Variants in HAO1 observed in about 807,000 individuals in gnomAD.
HAO1 encodes 2-Hydroxyacid oxidase 1.
HAO1 carries 34 observed loss-of-function variants against 39.7 expected under a neutral mutation model. The observed-to-expected ratio is 0.86, with a 90% CI of 0.65 to 1.14. The LOEUF (loss-of-function observed/expected upper bound fraction) is 1.14. HAO1 is among the 50% of genes most tolerant of loss of function. The probability of loss-of-function intolerance (pLI) is 0.00; values close to 1 mark genes in which losing one functional copy is unlikely to be tolerated. For missense variants in HAO1, 479 were observed against 464.5 expected (o/e 1.03, Z -0.29); for synonymous variants, 172 against 173.2 (o/e 0.99, Z 0.05).
At chr20:7,909,389 A>ATATATGTG (rs1568514590) in intron 3 of HAO1, among the ~76,000 whole-genome samples, 1 of 140,994 alleles carries the variant, frequency 7.1e-6, no homozygotes, top group African/African-American at 2.7e-5. Flanking sequence ...GTATATATAT[A>ATATATGTG]TATATATATA....
chr20:7,905,985 G>A (rs569328590), intron 4 of HAO1, among the ~76,000 whole-genome samples, 169 bp downstream of exon 4: 12 of 152,260 alleles, frequency 7.9e-5, no homozygotes, highest in African/African-American at 2.9e-4. Flanking sequence ...TATTACCTAA[G>A]AATGAAGAAA....
chr20:7,917,738 A>G (rs529875092), intron 2 of HAO1, among the ~76,000 whole-genome samples: 2 of 152,204 alleles, frequency 1.3e-5, no homozygotes, highest in Non-Finnish European at 2.9e-5. Context: ...GTCAAGCAGC[A>G]GCTCTGCCAA....
At chr20:7,893,520 A>C (rs1446867002) in intron 5 of HAO1, among the ~76,000 whole-genome samples, 1 of 152,118 alleles carries the variant, frequency 6.6e-6, no homozygotes, top group Admixed American at 6.6e-5. Context: ...GGATAACGTC[A>C]CCATTGTAAA....
At chr20:7,911,889 G>T (rs972330797) in intron 3 of HAO1, among the ~76,000 whole-genome samples, 1 of 152,240 alleles carries the variant, frequency 6.6e-6, no homozygotes, top group African/African-American at 2.4e-5. Flanking sequence ...AGCTTTTGGG[G>T]TGTATTTGGC....
At chr20:7,922,463 T>C (rs6108080) in intron 2 of HAO1, among the ~76,000 whole-genome samples, 5,522 of 152,242 alleles carry the variant, frequency 0.036, 344 homozygotes, top group African/African-American at 0.12. Context: ...CTTGCAAATA[T>C]AGTGTCCAAT....
intron 2 of HAO1, among the ~76,000 whole-genome samples, chr20:7,925,741 AT>A (rs1449067127): frequency 6.6e-6 from 1 of 152,112 alleles, no homozygotes; most frequent in Admixed American, 6.6e-5. Context: ...TCACATTTTA[AT>A]GTCATCAGGC....
At chr20:7,909,758 T>C (rs1054585033) in intron 3 of HAO1, among the ~76,000 whole-genome samples, 1 of 151,980 alleles carries the variant, frequency 6.6e-6, no homozygotes, top group Non-Finnish European at 1.5e-5. Context: ...TAATGCAACA[T>C]TAAAGATAAA....
chr20:7,939,284 G>T (rs1223776117), intron 1 of HAO1, among the ~76,000 whole-genome samples: 1 of 152,158 alleles, frequency 6.6e-6, no homozygotes, highest in Non-Finnish European at 1.5e-5. Context: ...TCACCCCATT[G>T]CCATTTTCAG....
chr20:7,931,461 T>C (rs1050747549), intron 2 of HAO1, among the ~76,000 whole-genome samples: 2 of 152,192 alleles, frequency 1.3e-5, no homozygotes, highest in African/African-American at 4.8e-5. Context: ...CTATCACTTA[T>C]GAATTGTGCA....
chr20:7,929,054 CTGTTTTTTGTT>C (rs1480622294), intron 2 of HAO1, among the ~76,000 whole-genome samples: 1 of 134,264 alleles, frequency 7.4e-6, no homozygotes, highest in African/African-American at 3.1e-5. Context: ...GGAGCTTGCA[CTGTTTTTTGTT>C]TGTTTGTTTG....
intron 5 of HAO1, among the ~76,000 whole-genome samples, chr20:7,892,079 TTTTG>T (rs1486935622): frequency 4.0e-5 from 6 of 151,882 alleles, no homozygotes; most frequent in Non-Finnish European, 7.4e-5. Flanking sequence ...ACTTTTCATC[TTTTG>T]TTTGTTTGTT....
chr20:7,934,538 C>G lies in HAO1; in HGVS notation c.235G>C (p.Ala79Pro). ...TGAGCCATGCGCTGCATGGCCGTAG[C>G]CCCCACACATATTGGCATGCTGACC... ...QRVSMPICVG[A>P]TAMQRMAHVD... The change falls in exon 2 of 8, where the codon GCT (alanine) becomes CCT (proline). Residue 79 changes from alanine to proline, a missense_variant. By Grantham distance (27) the Ala-to-Pro change is conservative. Transcript: ENST00000378789. 6.2e-7 allele frequency: 1 copy of G among 1,613,354 alleles called. No individual in the cohort carries two copies. Among genetic ancestry groups the G allele is most frequent in the Non-Finnish European group, 8.5e-7 (1 of 1,179,378 alleles).
At chr20:7,932,418 C>G (rs931984453) in intron 2 of HAO1, among the ~76,000 whole-genome samples, 1 of 152,104 alleles carries the variant, frequency 6.6e-6, no homozygotes, top group Non-Finnish European at 1.5e-5. Flanking sequence ...CTTCATGGTC[C>G]CTTGTCCCTT....
chr20:7,906,587 GA>G (rs145585970), intron 3 of HAO1, among the ~76,000 whole-genome samples: 4 of 150,466 alleles, frequency 2.7e-5, no homozygotes, highest in South Asian at 2.1e-4. Flanking sequence ...TCTGTTTCAA[GA>G]AAAAAAAATG....
At chr20:7,909,447 GA>G (rs1029391545) in intron 3 of HAO1, among the ~76,000 whole-genome samples, 3 of 141,434 alleles carry the variant, frequency 2.1e-5, no homozygotes, top group African/African-American at 8.1e-5. Flanking sequence ...CATTTCATAA[GA>G]AAAAAAGGGG....
chr20:7,938,175 G>A (rs1436148766), intron 1 of HAO1, among the ~76,000 whole-genome samples: 1 of 152,054 alleles, frequency 6.6e-6, no homozygotes, highest in African/African-American at 2.4e-5. Context: ...TTTCCTTCAT[G>A]CCATCAACCC....
At chr20:7,927,392 A>G (rs1262308287) in intron 2 of HAO1, among the ~76,000 whole-genome samples, 1 of 152,204 alleles carries the variant, frequency 6.6e-6, no homozygotes, top group Non-Finnish European at 1.5e-5. Context: ...AAAAATAAAT[A>G]AAAATGATCT....
At chr20:7,905,364 A>C (rs561573121) in intron 4 of HAO1, among the ~76,000 whole-genome samples, 2 of 152,348 alleles carry the variant, frequency 1.3e-5, no homozygotes, top group African/African-American at 4.8e-5. Context: ...AAAATCTATG[A>C]AAAAGTTTTG....
chr20:7,910,716 C>T (rs2122773219), intron 3 of HAO1, among the ~76,000 whole-genome samples: 1 of 152,316 alleles, frequency 6.6e-6, no homozygotes, highest in South Asian at 2.1e-4. Context: ...TTAATCACAT[C>T]TGCAAAGTCC....
Sources: gnomAD v4.1 joint callset for allele counts (sites outside exome capture counted in the v4.1 genomes callset) on GRCh38, gnomAD v4.1.1 for gene constraint, MANE v1.5 for transcripts, NCBI Gene and HGNC (gene_info 2026-07-23, HGNC 2026-07-21) for gene names.